The following CCDC191 variants were observed in gnomAD, a reference collection of about 807,000 sequenced individuals.
The protein encoded by CCDC191 is coiled-coil domain containing 191.
A neutral mutation model predicts 114.0 loss-of-function variants in CCDC191; 99 were observed. The ratio of observed to expected loss-of-function variants is 0.87; its 90% CI spans 0.74 to 1.03. The LOEUF is 1.03. CCDC191 is among the 50% of genes least tolerant of loss of function. The probability of loss-of-function intolerance (pLI) is 0.00; values close to 1 mark genes in which losing one functional copy is unlikely to be tolerated. For missense variants in CCDC191, 973 were observed against 1,087.0 expected, an observed-to-expected ratio of 0.90 and a Z score of 1.47; for synonymous variants, 351 against 376.0, an observed-to-expected ratio of 0.93 and a Z score of 0.77.
In CCDC191 at chr3:114,036,828, A is replaced by G. The variant is rs376428337; in HGVS notation, c.416-42T>C. ...AACAAAAAAGGGAATTTTTTTAAAA[A>G]ATTAATTTTAGTATTATATTCATAT... On this transcript the variant is annotated intron_variant, in intron 4 of 16. Transcript: ENST00000295878. 8.5e-5 allele frequency: 114 copies of G among 1,335,500 alleles called. 1 individual carries two copies. The South Asian group carries it at 1.6e-3, about 19-fold the overall frequency. 82.7% of individuals were successfully genotyped at this position (1,335,500 alleles called of 1,614,324 possible).
At chr3:114,055,978 C>G (rs1469323834) in intron 1 of CCDC191, among the ~76,000 whole-genome samples, 1 of 150,364 alleles carries the variant, frequency 6.7e-6, no homozygotes, top group Non-Finnish European at 1.5e-5. Flanking sequence ...ATGTGAAGCT[C>G]TCTCCCGTTA....
chr3:113,998,338 T>C (rs2075778228), intron 13 of CCDC191, among the ~76,000 whole-genome samples: 1 of 138,876 alleles, frequency 7.2e-6, no homozygotes, highest in African/African-American at 2.7e-5. Context: ...AAGTTAACTA[T>C]AAAACAGCCT....
At chr3:114,029,884 A>C (rs901589174) in intron 7 of CCDC191, among the ~76,000 whole-genome samples, 1 of 152,236 alleles carries the variant, frequency 6.6e-6, no homozygotes, top group Admixed American at 6.5e-5. Context: ...AGACACGGAA[A>C]GACTAAAGAA....
rs1482387604 is a variant in CCDC191, at chr3:114,047,378, T to C, written c.130-646A>G. ...CTGCACAGAATAAAAACGCTTATAT[T>C]AGGCTGGGTGCAGTGGCTCATGCCT... On this transcript the variant is annotated intron_variant, in intron 2 of 16. Coordinates refer to ENST00000295878, the MANE Select transcript of CCDC191 (RefSeq NM_020817.2). Among the ~76,000 whole-genome samples the C allele has an allele frequency of 3.7e-4, 57 of 152,168 alleles. 1 individual carries two copies. The highest frequency in any genetic ancestry group is 3.1e-3 in the Admixed American group (47 of 15,274).
chr3:114,012,561 C>T (rs1222776503), intron 8 of CCDC191, among the ~76,000 whole-genome samples: 1 of 152,076 alleles, frequency 6.6e-6, no homozygotes, highest in Non-Finnish European at 1.5e-5. Context: ...GATAGCAACA[C>T]AGGTAAGAAC....
rs140321649 is a variant in CCDC191 at position 114,008,813 on chromosome 3, C to A, written c.1413+1959G>T. On this transcript the variant is annotated intron_variant, in intron 9 of 16. Transcript: ENST00000295878. ...GTCACTATATATCTGTATCTTACTACATCCATATATAGATATATATACAGT... is the reference window on the plus strand; with the variant it reads ...GTCACTATATATCTGTATCTTACTAAATCCATATATAGATATATATACAGT... 8.4e-3 allele frequency among the ~76,000 whole-genome samples: 1,285 copies of A among 152,218 alleles called. 18 individuals are homozygous for A. The highest frequency in any genetic ancestry group is 0.01 in the Non-Finnish European group (702 of 67,986).
In CCDC191 at chr3:114,001,680, T is replaced by A; in HGVS notation, c.2078A>T (p.Gln693Leu). ...CTCCCTTTTCTGACGTTCCTCCTCT[T>A]GGGCCTTTAACTGGGCCTGATTGAG... is the stretch of plus-strand genomic sequence containing the variant. ...EEEKLAQLKAQEEERQKREAE... is the reference protein window; with the variant it reads ...EEEKLAQLKALEEERQKREAE... Residue 693 changes from glutamine (Q) to leucine (L), a missense_variant, in exon 13 of 17, where the codon CAA becomes CTA. Physicochemically the swap from Gln to Leu is moderately radical, Grantham distance 113. Transcript: ENST00000295878. 1 of 1,613,914 alleles carries A rather than the reference T, an allele frequency of 6.2e-7. No individual in the cohort carries two copies.
chr3:113,984,634 A>C (rs1181285160), intron 13 of CCDC191: 1 of 152,228 alleles, frequency 6.6e-6, no homozygotes, highest in Non-Finnish European at 1.5e-5. Context: ...AGTTGTCCTC[A>C]AAGAAGACTC....
At chr3:113,986,470 G>C (rs1437823185) in intron 13 of CCDC191, among the ~76,000 whole-genome samples, 1 of 152,110 alleles carries the variant, frequency 6.6e-6, no homozygotes, top group Non-Finnish European at 1.5e-5. Flanking sequence ...TATCCAAGAA[G>C]CTTAAGACCA....
At chr3:113,977,886 AATACAGT>A (rs1224206244) in intron 16 of CCDC191, among the ~76,000 whole-genome samples, 1 of 152,258 alleles carries the variant, frequency 6.6e-6, no homozygotes, top group African/African-American at 2.4e-5. Context: ...ACTAACAAAG[AATACAGT>A]ACTTTTGCTT....
Position 114,010,833 on chromosome 3 carries a change from G to A in CCDC191, c.1352C>T (p.Ser451Leu), listed in dbSNP as rs778524999. 1 of 1,614,012 alleles carries A rather than the reference G, an allele frequency of 6.2e-7. No homozygotes were observed. Among genetic ancestry groups the A allele is most frequent in the East Asian group, 2.2e-5 (1 of 44,888 alleles). ...TGCCTCCTCAGGTAGACTGATGCCTGATAACCCATTGGCACTGAGTTTCCC... is the reference window on the plus strand; with the variant it reads ...TGCCTCCTCAGGTAGACTGATGCCTAATAACCCATTGGCACTGAGTTTCCC... ...SLGKLSANGL[S>L]GISLPEEATA... The change falls in exon 9 of 17, where the codon TCA becomes TTA. Residue 451 changes from serine (S) to leucine (L), a missense_variant. Coordinates refer to ENST00000295878, the MANE Select transcript of CCDC191 (RefSeq NM_020817.2).
intron 2 of CCDC191, among the ~76,000 whole-genome samples, chr3:114,050,739 G>A (rs1454460129): frequency 6.6e-6 from 1 of 152,178 alleles, no homozygotes; most frequent in African/African-American, 2.4e-5. Context: ...ACTGCTAGAG[G>A]GTTGTCAATA....
At chr3:114,025,721 C>T (rs1051199576) in intron 7 of CCDC191, among the ~76,000 whole-genome samples, 8 of 152,280 alleles carry the variant, frequency 5.3e-5, no homozygotes, top group East Asian at 3.9e-4. Context: ...GGCAGACCTA[C>T]GGCTCCCTAT....
At chr3:114,018,091 G>C (rs766000394) in intron 8 of CCDC191, among the ~76,000 whole-genome samples, 1 of 152,234 alleles carries the variant, frequency 6.6e-6, no homozygotes, top group Admixed American at 6.5e-5. Flanking sequence ...AAAGATGGTA[G>C]AGTGGGAGGA....
rs144357471 is a variant in CCDC191 at position 113,994,318 on chromosome 3, C to T, written c.2163+7277G>A. ...TTAGCATTATTTGTTGTTAGGGAAA[C>T]GCAAATAAACACCACAATGATATAT... On this transcript the variant is annotated intron_variant, in intron 13 of 16. Transcript: ENST00000295878. 1.1e-4 allele frequency among the ~76,000 whole-genome samples: 17 copies of T among 152,184 alleles called. No individual in the cohort carries two copies. The East Asian group carries it at 1.7e-3, about 16-fold the overall frequency.
chr3:113,976,338 C>CTGA (rs983301503), intron 16 of CCDC191, among the ~76,000 whole-genome samples: 13 of 151,542 alleles, frequency 8.6e-5, no homozygotes, highest in African/African-American at 3.1e-4. Flanking sequence ...GGGAGGAAGA[C>CTGA]TGATGTAGCA....
intron 6 of CCDC191, among the ~76,000 whole-genome samples, chr3:114,032,215 G>T (rs576303204): frequency 6.6e-6 from 1 of 152,158 alleles, no homozygotes; most frequent in East Asian, 1.9e-4. Flanking sequence ...AATAACAAAA[G>T]AATCAGGTGT....
intron 14 of CCDC191, 87 bp downstream of exon 14, chr3:113,980,563 C>T (rs2075111621): frequency 8.0e-7 from 1 of 1,256,532 alleles, no homozygotes; most frequent in Non-Finnish European, 1.1e-6. Flanking sequence ...ATCACCAAAC[C>T]CTACCCTCCC....
intron 16 of CCDC191, among the ~76,000 whole-genome samples, chr3:113,971,687 T>G (rs529274798): frequency 6.6e-6 from 1 of 152,238 alleles, no homozygotes; most frequent in Non-Finnish European, 1.5e-5. Flanking sequence ...GCTGGCCTGA[T>G]AGAATAAGTA....
Sources: allele counts gnomAD v4.1 joint callset (sites outside exome capture counted in the v4.1 genomes callset), GRCh38; gene constraint gnomAD v4.1.1; transcripts MANE v1.5; gene names NCBI Gene and HGNC (gene_info 2026-07-23, HGNC 2026-07-21).